The following MED23 variants were observed in gnomAD, a reference collection of about 807,000 sequenced individuals.
The protein encoded by MED23 is mediator of RNA polymerase II transcription subunit 23.
Under a neutral mutation model 163.9 loss-of-function variants are expected in MED23, and 105 were observed. The observed-to-expected ratio is 0.64, with a 90% CI of 0.55 to 0.75. MED23 has a LOEUF of 0.75. MED23 is among the 30% of genes least tolerant of loss of function. The probability of loss-of-function intolerance (pLI) is 0.00; values close to 1 mark genes in which losing one functional copy is unlikely to be tolerated. For synonymous variants in MED23, 561 were observed against 565.6 expected (o/e 0.99, Z 0.12); for missense variants, 1,054 against 1,649.0 (o/e 0.64, Z 6.25).
chr6:131,577,586 C>T (rs750487973), intron 30 of MED23, among the ~76,000 whole-genome samples: 25 of 151,914 alleles, frequency 1.6e-4, no homozygotes, highest in African/African-American at 5.1e-4. Flanking sequence ...ATCCATGCAA[C>T]GAGATAGTAT....
intron 7 of MED23, among the ~76,000 whole-genome samples, chr6:131,620,149 T>C (rs1776987136): frequency 6.6e-6 from 1 of 152,060 alleles, no homozygotes; most frequent in Non-Finnish European, 1.5e-5. Flanking sequence ...TTTTATTACA[T>C]GGCATATAAA....
chr6:131,596,644 G>A lies in MED23; in HGVS notation c.2652C>T (p.Phe884=). ...GTTTGAGTAACAGCAACTGAATTAT[G>A]AAATAACAAACCTGGGCTTCATTTC... ...HEGNEAQVCY[F]IIQLLLLKPN... Residue 884 remains phenylalanine, a synonymous_variant, in exon 21 of 29, where the codon TTC becomes TTT. Coordinates refer to ENST00000368068, the MANE Select transcript of MED23 (RefSeq NM_004830.4). The A allele has an allele frequency of 6.2e-7, 1 of 1,614,116 alleles. No individual in the cohort carries two copies. Among genetic ancestry groups the A allele is most frequent in the Non-Finnish European group, 8.5e-7 (1 of 1,180,008 alleles).
chr6:131,625,815 T>A (rs1777443539), intron 3 of MED23, among the ~76,000 whole-genome samples: 1 of 151,894 alleles, frequency 6.6e-6, no homozygotes, highest in Admixed American at 6.6e-5. Context: ...CACTCTATTG[T>A]GAGGTTATAA....
downstream of MED23, among the ~76,000 whole-genome samples, chr6:131,585,494 A>G (rs1774145065): frequency 6.6e-6 from 1 of 152,242 alleles, no homozygotes; most frequent in African/African-American, 2.4e-5. Context: ...AGCAATTATA[A>G]TGGATCTCAC....
In MED23 at chr6:131,598,877, G is replaced by T; in HGVS notation, c.2221-116C>A. ...ACACTAATAAACTCTAGGTCACCTTGAGCAACTCAGCAATTAAGGCCTGAA... is the reference window on the plus strand; with the variant it reads ...ACACTAATAAACTCTAGGTCACCTTTAGCAACTCAGCAATTAAGGCCTGAA... On this transcript the variant is annotated intron_variant, in intron 18 of 28. Transcript: ENST00000368068. The surrounding 1 kb of genome is among the most constrained non-coding windows in gnomAD (Gnocchi z 4.7). 2 of 926,242 alleles carry T rather than the reference G, an allele frequency of 2.2e-6. No individual in the cohort carries two copies. The highest frequency in any genetic ancestry group is 2.0e-5 in the Admixed American group (1 of 48,806). 57.4% of individuals were successfully genotyped at this position (926,242 alleles called of 1,614,324 possible).
At chr6:131,604,959 C>T (rs751175122) in intron 14 of MED23, among the ~76,000 whole-genome samples, 11 of 152,122 alleles carry the variant, frequency 7.2e-5, no homozygotes, top group Non-Finnish European at 1.5e-4. Context: ...TACACTAGTC[C>T]TCATTCTTAA....
At position 131,581,296 on chromosome 6, in the gene MED23, A is replaced by G. The variant is rs140549609; in HGVS notation, c.4095+6413T>C. 2.0e-5 allele frequency: 32 copies of G among 1,613,848 alleles called. No individual in the cohort carries two copies. Among genetic ancestry groups the G allele is most frequent in the Non-Finnish European group, 2.5e-6 (3 of 1,179,880 alleles). On this transcript the variant is annotated intron_variant, in intron 30 of 30. Coordinates refer to the MED23 transcript ENST00000354577. ...GTCATCTGGGTGGATGCTCACACTG[A>G]TATCAACACTCCACTGACAACCACA...
At chr6:131,583,875 C>A (rs776119677), downstream of MED23, 2 of 1,614,124 alleles carry the variant, frequency 1.2e-6, no homozygotes, top group Admixed American at 3.3e-5. Context: ...AGGGTAATCA[C>A]AAGCCTATTG....
At chr6:131,583,064 A>C, downstream of MED23, 2 of 1,611,026 alleles carry the variant, frequency 1.2e-6, no homozygotes. Flanking sequence ...TTATAGCTAC[A>C]TTTTGAAAAC....
chr6:131,582,742 C>T (rs1773998504), downstream of MED23: 3 of 1,603,990 alleles, frequency 1.9e-6, no homozygotes, highest in South Asian at 3.3e-5. Context: ...ATGTGATTTG[C>T]CTCCATTTTT....
chr6:131,602,149 T>C (rs1775531422), intron 17 of MED23, 69 bp downstream of exon 17: 1 of 1,498,150 alleles, frequency 6.7e-7, no homozygotes, highest in Non-Finnish European at 9.3e-7. Context: ...GTTACAACTA[T>C]AGTAATTAGT....
At chr6:131,599,409 A>G (rs1775302815) in intron 18 of MED23, among the ~76,000 whole-genome samples, 1 of 152,216 alleles carries the variant, frequency 6.6e-6, no homozygotes, top group African/African-American at 2.4e-5. Context: ...TAGAAAAGCC[A>G]GGTTTACAGT....
At chr6:131,578,468 T>C (rs76770001) in intron 30 of MED23, among the ~76,000 whole-genome samples, 4,015 of 152,220 alleles carry the variant, frequency 0.026, 86 homozygotes, top group Non-Finnish European at 0.041. Flanking sequence ...CCTTAGGAAT[T>C]TGGGGTTACC....
At chr6:131,624,758 C>T (rs1221547689) in intron 4 of MED23, 107 bp downstream of exon 4, 1 of 1,260,640 alleles carries the variant, frequency 7.9e-7, no homozygotes, top group Non-Finnish European at 1.1e-6. Flanking sequence ...TGATAAACCT[C>T]ACCTTCTTCT....
intron 1 of MED23, 114 bp from the exon 2 acceptor site, chr6:131,627,786 A>G: frequency 9.1e-7 from 1 of 1,104,046 alleles, no homozygotes; most frequent in Non-Finnish European, 1.4e-6. Context: ...CTCTGAAACT[A>G]TCAATACCTG....
chr6:131,606,759 T>C (rs2114677594), intron 12 of MED23, 135 bp from the exon 13 acceptor site: 1 of 800,174 alleles, frequency 1.2e-6, no homozygotes, highest in East Asian at 2.7e-5. Context: ...GATAATTCAA[T>C]AATACAAATC....
At chr6:131,601,489 TG>T in intron 17 of MED23, among the ~76,000 whole-genome samples, 1 of 152,204 alleles carries the variant, frequency 6.6e-6, no homozygotes, top group Non-Finnish European at 1.5e-5. Context: ...TGAAGTTTAC[TG>T]GGGGTTTTGG....
At position 131,623,466 on chromosome 6, in the gene MED23, T is replaced by C; in HGVS notation, c.285-4A>G. ...TATCAGGGATTCACAAACCAGCCTA[T>C]AAAAAAAGAAATAGCCATTCCAGTT... On this transcript the variant is annotated splice_region_variant and splice_polypyrimidine_tract_variant and intron_variant, in intron 4 of 28. Coordinates refer to ENST00000368068, the MANE Select transcript of MED23 (RefSeq NM_004830.4). 1.2e-6 allele frequency: 2 copies of C among 1,612,234 alleles called. No individual in the cohort carries two copies. The highest frequency in any genetic ancestry group is 8.5e-7 in the Non-Finnish European group (1 of 1,178,364).
At chr6:131,603,801 CTTT>C (rs1237251902) in intron 15 of MED23, among the ~76,000 whole-genome samples, 1 of 152,152 alleles carries the variant, frequency 6.6e-6, no homozygotes, top group South Asian at 2.1e-4. Context: ...AAAATTCCTT[CTTT>C]ATTTCCAGTC....
Sources: allele counts gnomAD v4.1 joint callset (sites outside exome capture counted in the v4.1 genomes callset), GRCh38; gene constraint gnomAD v4.1.1; non-coding constraint Gnocchi (gnomAD v3.1); transcripts MANE v1.5; gene names NCBI Gene and HGNC (gene_info 2026-07-23, HGNC 2026-07-21).